The following PTPRF variants were observed in gnomAD, a reference collection of about 807,000 sequenced individuals.
PTPRF encodes protein tyrosine phosphatase receptor type F.
Under a neutral mutation model 201.8 loss-of-function variants are expected in PTPRF, and 59 were observed. The ratio of observed to expected loss-of-function variants is 0.29; its 90% CI spans 0.24 to 0.36. The LOEUF (loss-of-function observed/expected upper bound fraction) is 0.36. PTPRF is among the 10% of genes least tolerant of loss of function. The probability of loss-of-function intolerance (pLI) is 1.00; values close to 1 mark genes in which losing one functional copy is unlikely to be tolerated. For missense variants in PTPRF, 2,132 were observed against 2,690.5 expected (o/e 0.79, Z 4.59); for synonymous variants, 1,088 against 1,089.7 (o/e 1.00, Z 0.03).
intron 22 of PTPRF, among the ~76,000 whole-genome samples, chr1:43,610,846 A>G (rs1656263692): frequency 6.6e-6 from 1 of 152,208 alleles, no homozygotes; most frequent in Non-Finnish European, 1.5e-5. Context: ...CCTGGGTGAC[A>G]AGAGCAAAAC....
At chr1:43,559,571 T>G (rs1256231508) in intron 5 of PTPRF, among the ~76,000 whole-genome samples, 1 of 88,812 alleles carries the variant, frequency 1.1e-5, no homozygotes, top group Non-Finnish European at 2.6e-5. Context: ...AGGTGTGCAG[T>G]AGACTGTGTG....
Position 43,562,315 on chromosome 1 carries a change from A to G in PTPRF, c.380-7275A>G, listed in dbSNP as rs559421182. Among the ~76,000 whole-genome samples the G allele has an allele frequency of 2.6e-5, 4 of 151,950 alleles. No homozygotes were observed. The South Asian group carries it at 8.3e-4, about 32-fold the overall frequency. Reference sequence around the variant, plus strand: ...AGTAGAGATGGGGTTTCACCGTGTTAGCCAGGATGGTCTTGACCTCCTGAC... The same window carrying G: ...AGTAGAGATGGGGTTTCACCGTGTTGGCCAGGATGGTCTTGACCTCCTGAC... On this transcript the variant is annotated intron_variant, in intron 5 of 33. Transcript: ENST00000359947.
upstream of PTPRF, among the ~76,000 whole-genome samples, chr1:43,525,893 A>G (rs1310361581): frequency 6.8e-5 from 10 of 147,772 alleles, no homozygotes; most frequent in African/African-American, 2.5e-4. Flanking sequence ...CAGGAGATGG[A>G]GGAATAGAGG....
chr1:43,590,858 G>T, intron 8 of PTPRF, 114 bp from the exon 9 acceptor site: 2 of 974,712 alleles, frequency 2.1e-6, no homozygotes, highest in Non-Finnish European at 3.1e-6. Context: ...TAGGCTGTGG[G>T]TATCAGCCAC....
intron 11 of PTPRF, 133 bp downstream of exon 11, chr1:43,592,734 G>A: frequency 8.7e-7 from 1 of 1,145,760 alleles, no homozygotes; most frequent in Non-Finnish European, 1.2e-6. Flanking sequence ...CTCTGGCCTG[G>A]GCTCTGAGTC....
rs771024182 is a variant in PTPRF at position 43,619,665 on chromosome 1, C to T, written c.4933-15C>T. The T allele has an allele frequency of 2.0e-5, 32 of 1,613,432 alleles. No individual in the cohort carries two copies. The highest frequency in any genetic ancestry group is 2.6e-5 in the Non-Finnish European group (31 of 1,179,678). ...CACAGGAAGCCTGGCCTGACCAATC[C>T]CTGCCTCTCAATAGTTGCTGGCCAG... On this transcript the variant is annotated splice_polypyrimidine_tract_variant and intron_variant, in intron 28 of 33. Transcript: ENST00000359947.
upstream of PTPRF, among the ~76,000 whole-genome samples, chr1:43,527,195 G>A (rs1233476252): frequency 1.3e-5 from 2 of 152,204 alleles, no homozygotes; most frequent in African/African-American, 4.8e-5. Context: ...CCCTGGGGCT[G>A]GAACACAGCA....
intron 7 of PTPRF, among the ~76,000 whole-genome samples, chr1:43,587,625 C>G (rs1226957258): frequency 1.3e-5 from 2 of 152,154 alleles, no homozygotes; most frequent in Non-Finnish European, 2.9e-5. Context: ...TGCCTGGGCC[C>G]CCCAGCGAGG....
At chr1:43,607,161 A>G (rs1655328691) in intron 21 of PTPRF, among the ~76,000 whole-genome samples, 193 bp downstream of exon 21, 1 of 152,184 alleles carries the variant, frequency 6.6e-6, no homozygotes, top group Non-Finnish European at 1.5e-5. Flanking sequence ...CTGTCAGGTG[A>G]GGGAGCCTCT....
At chr1:43,540,925 T>G (rs1644321003) in intron 2 of PTPRF, among the ~76,000 whole-genome samples, 1 of 152,270 alleles carries the variant, frequency 6.6e-6, no homozygotes, top group East Asian at 1.9e-4. Context: ...CCTTCCCAAG[T>G]ATAACAAGGC....
intron 5 of PTPRF, among the ~76,000 whole-genome samples, chr1:43,562,078 C>T (rs764321489): frequency 6.6e-6 from 1 of 152,072 alleles, no homozygotes; most frequent in Non-Finnish European, 1.5e-5. Context: ...GTAAGGTGCT[C>T]CCTCCTACTG....
rs1435234736 is a variant in PTPRF, at chr1:43,542,576, A to G, written c.-45-2455A>G. 4.6e-5 allele frequency among the ~76,000 whole-genome samples: 7 copies of G among 152,088 alleles called. No homozygotes were observed. Among genetic ancestry groups the G allele is most frequent in the Non-Finnish European group, 1.0e-4 (7 of 67,994 alleles). On this transcript the variant is annotated intron_variant, in intron 2 of 33. Transcript: ENST00000359947. This position sits in a 1 kb window ranked among gnomAD's most constrained non-coding sequence, Gnocchi z 5.2. The stretch of plus-strand genomic sequence containing the variant: ...CCAGGCTTGTACCACATGGGTGTCT[A>G]TTCTGGGAGTTTTACCCCCATGATG...
In PTPRF at chr1:43,606,286, G is replaced by A. The variant is rs202117609; in HGVS notation, c.3530G>A (p.Arg1177Gln). The A allele has an allele frequency of 2.2e-5, 36 of 1,613,820 alleles. No homozygotes were observed. The highest frequency in any genetic ancestry group is 2.7e-5 in the African/African-American group (2 of 75,050). ...GGCGGAGAGGAGCAGCGGCGGCGGC[G>A]GCGGCAGGCAGAACGTCTGAAGCCA... is the stretch of plus-strand genomic sequence containing the variant. ...EQGGEEQRRR[R>Q]RQAERLKPYV... Residue 1177 changes from arginine to glutamine, a missense_variant, in exon 20 of 34, where the codon CGG becomes CAG. Around this residue, in one of 6 missense-constraint regions of PTPRF, gnomAD observed 818 missense variants for 915.3 expected, o/e 0.89. Coordinates refer to ENST00000359947, the MANE Select transcript of PTPRF (RefSeq NM_002840.5).
chr1:43,551,417 C>G (rs1348116441), intron 3 of PTPRF, among the ~76,000 whole-genome samples: 1 of 152,124 alleles, frequency 6.6e-6, no homozygotes, highest in Non-Finnish European at 1.5e-5. Flanking sequence ...GAGCCTCCTT[C>G]AAAGGGCATT....
At chr1:43,590,927 G>A (rs1366288672) in intron 8 of PTPRF, 45 bp from the exon 9 acceptor site, 3 of 1,532,174 alleles carry the variant, frequency 2.0e-6, no homozygotes, top group Middle Eastern at 3.5e-4. Context: ...TGGTTCCTAA[G>A]GATCTTGACC....
intron 8 of PTPRF, among the ~76,000 whole-genome samples, chr1:43,589,423 C>CCTG (rs34478853): frequency 1.3e-5 from 2 of 151,658 alleles, no homozygotes; most frequent in Non-Finnish European, 2.9e-5. Flanking sequence ...ATCTCACCCT[C>CCTG]ACCACTACAT....
intron 24 of PTPRF, 81 bp downstream of exon 24, chr1:43,617,649 C>T: frequency 6.2e-7 from 1 of 1,603,846 alleles, no homozygotes; most frequent in Non-Finnish European, 8.5e-7. Context: ...CAGAGGATGT[C>T]CACGAGTCTC....
intron 10 of PTPRF, 141 bp from the exon 11 acceptor site, chr1:43,592,316 G>A (rs2154013824): frequency 9.4e-7 from 1 of 1,066,028 alleles, no homozygotes; most frequent in Non-Finnish European, 1.3e-6. Flanking sequence ...TTCCTTTTGT[G>A]CTCCATGTGG....
At position 43,619,033 on chromosome 1, in the gene PTPRF, C is replaced by T. The variant is rs199978602; in HGVS notation, c.4492-15C>T. 864 of 1,609,800 alleles carry T rather than the reference C, an allele frequency of 5.4e-4. 2 individuals are homozygous for T. The highest frequency in any genetic ancestry group is 2.7e-4 in the South Asian group (25 of 90,964). On this transcript the variant is annotated splice_polypyrimidine_tract_variant and intron_variant, in intron 26 of 33. Transcript: ENST00000359947. ...AGGCTCCTAGTCGCCAGTATGTCCCCACTTTGTCCCCCAGAGTGGCTCCAG... is the reference window on the plus strand; with the variant it reads ...AGGCTCCTAGTCGCCAGTATGTCCCTACTTTGTCCCCCAGAGTGGCTCCAG...
Sources: gnomAD v4.1 joint callset for allele counts (sites outside exome capture counted in the v4.1 genomes callset) on GRCh38, gnomAD v4.1.1 for gene constraint, gnomAD v4.1.1 regional missense constraint, Gnocchi (gnomAD v3.1) non-coding constraint, MANE v1.5 for transcripts, NCBI Gene and HGNC (gene_info 2026-07-23, HGNC 2026-07-21) for gene names.